EHD2: variants seen among roughly 807,000 people sequenced by gnomAD.
The protein encoded by EHD2 is EH domain containing 2.
EHD2 carries 27 observed loss-of-function variants against 41.0 expected under a neutral mutation model. The observed-to-expected ratio is 0.66, with a 90% confidence interval of 0.49 to 0.91. The LOEUF (loss-of-function observed/expected upper bound fraction) is 0.91, where lower values mean the gene tolerates loss of function less well. Ranked by LOEUF, EHD2 falls within the 40% of genes least tolerant of loss-of-function variation. EHD2 has a pLI of 0.00. For synonymous variants in EHD2, 342 were observed against 341.0 expected, an observed-to-expected ratio of 1.00 and a Z score of -0.03; for missense variants, 673 against 773.9, an observed-to-expected ratio of 0.87 and a Z score of 1.55.
rs932072641 is a variant in EHD2, at chr19:47,741,946, C to G, written c.*514C>G. 6.6e-6 allele frequency: 3 copies of G among 456,230 alleles called. No individual in the cohort carries two copies. Among genetic ancestry groups the G allele is most frequent in the African/African-American group, 6.0e-5 (3 of 50,078 alleles). The allele number at this position is 456,230 out of a possible 1,614,324, so 28.3% of individuals were successfully genotyped here. A position where few individuals can be genotyped will look rare whatever the true frequency, so the allele number is the denominator to read the frequency against. ...GACTAGCAGATAAACAGACCCCCTT[C>G]TGCTCCGCTTCCTCCTGCCCAGCCA... On this transcript the variant is annotated 3_prime_UTR_variant, in exon 6 of 6. Coordinates refer to ENST00000263277, the MANE Select transcript of EHD2 (RefSeq NM_014601.4). The surrounding 1 kb of genome is among the most constrained non-coding windows in gnomAD (Gnocchi z 4.5).
In EHD2 at chr19:47,736,389, C is replaced by G; in HGVS notation, c.936C>G (p.Ser312Arg). 1 of 1,613,250 alleles carries G rather than the reference C, an allele frequency of 6.2e-7. No individual in the cohort carries two copies. Among genetic ancestry groups the G allele is most frequent in the Non-Finnish European group, 8.5e-7 (1 of 1,179,672 alleles). ...CACAGGTTCACGCTTACATCATCAG[C>G]TACCTGAAGAAGGAGATGCCCTCTG... is the stretch of plus-strand genomic sequence containing the variant. ...RLVRVHAYII[S>R]YLKKEMPSVF... Residue 312 changes from serine (S) to arginine (R), a missense_variant, in exon 5 of 6, where the codon AGC (serine) becomes AGG (arginine). Physicochemically the swap from Ser to Arg is moderately radical, Grantham distance 110 (BLOSUM62 -1). Coordinates refer to ENST00000263277, the MANE Select transcript of EHD2 (RefSeq NM_014601.4).
intron 4 of EHD2, among the ~76,000 whole-genome samples, chr19:47,728,114 A>AAG (rs1973771188): frequency 6.6e-6 from 1 of 151,304 alleles, no homozygotes. Flanking sequence ...AAAAAAAAAA[A>AAG]AGATGAATTT....
chr19:47,716,030 A>C (rs980224077), intron 1 of EHD2, among the ~76,000 whole-genome samples: 3 of 149,964 alleles, frequency 2.0e-5, no homozygotes, highest in Admixed American at 2.0e-4. Context: ...CAGCCTCCCG[A>C]AGTGCTGGGA....
intron 5 of EHD2, among the ~76,000 whole-genome samples, chr19:47,737,502 C>CA (rs1966937286): frequency 6.7e-6 from 1 of 149,646 alleles, no homozygotes; most frequent in South Asian, 2.1e-4. Context: ...ACTAAAAATA[C>CA]AAAAATTAGC....
At chr19:47,715,719 A>G (rs931051783) in intron 1 of EHD2, among the ~76,000 whole-genome samples, 1 of 152,020 alleles carries the variant, frequency 6.6e-6, no homozygotes, top group Non-Finnish European at 1.5e-5. Flanking sequence ...ACCACCATCA[A>G]TCCCCCTTCT....
At chr19:47,733,408 T>C (rs118101620) in intron 4 of EHD2, among the ~76,000 whole-genome samples, 6,454 of 151,962 alleles carry the variant, frequency 0.042, 201 homozygotes, top group Middle Eastern at 0.1. Flanking sequence ...GCGCGGTGGT[T>C]CATGCCTATA....
chr19:47,725,855 G>A lies in EHD2; in HGVS notation c.546G>A (p.Val182=). The stretch of plus-strand genomic sequence containing the variant: ...TGCTGCGCTGGTTCGCGGAGCGCGT[G>A]GACCTCATCATCCTGCTCTTTGATG... ...PAVLRWFAER[V]DLIILLFDAH... is the part of the protein sequence containing the mutation. The change falls in exon 4 of 6, where the codon GTG becomes GTA. Residue 182 remains valine, a synonymous_variant. Coordinates refer to ENST00000263277, the MANE Select transcript of EHD2 (RefSeq NM_014601.4). 1 of 1,609,726 alleles carries A rather than the reference G, an allele frequency of 6.2e-7. No homozygotes were observed. Among genetic ancestry groups the A allele is most frequent in the East Asian group, 2.2e-5 (1 of 44,718 alleles).
chr19:47,735,991 T>A (rs1966917886), intron 4 of EHD2, among the ~76,000 whole-genome samples: 1 of 150,368 alleles, frequency 6.7e-6, no homozygotes, highest in African/African-American at 2.5e-5. Flanking sequence ...AGGTCAGGAG[T>A]TTGAGACCAG....
intron 3 of EHD2, among the ~76,000 whole-genome samples, chr19:47,724,981 C>CA (rs57660216): frequency 1.9e-5 from 1 of 53,820 alleles, no homozygotes; most frequent in Non-Finnish European, 3.2e-5. Flanking sequence ...GACTCTGTCT[C>CA]AAAAAAAAAA....
chr19:47,720,733 T>C (rs1185147824), intron 3 of EHD2, among the ~76,000 whole-genome samples: 1 of 151,916 alleles, frequency 6.6e-6, no homozygotes, highest in East Asian at 1.9e-4. Flanking sequence ...GTGTGTGACT[T>C]TGTGTGGCTG....
intron 3 of EHD2, among the ~76,000 whole-genome samples, chr19:47,720,218 G>C (rs1352851402): frequency 6.6e-6 from 1 of 151,860 alleles, no homozygotes; most frequent in African/African-American, 2.4e-5. Flanking sequence ...GGCTGGAGTG[G>C]AGTGGCGCGA....
intron 4 of EHD2, among the ~76,000 whole-genome samples, chr19:47,734,482 G>A (rs992208074): frequency 3.3e-5 from 5 of 152,184 alleles, no homozygotes; most frequent in South Asian, 2.1e-4. Flanking sequence ...GCTGGGTACC[G>A]TGGCTCCCGC....
chr19:47,742,128 C>CTTCCTTCCTTCCTTCTTTTCT lies in EHD2; in HGVS notation c.*716_*736dup. ...AATTCTGCCCACACCCATTTATTTC[C>CTTCCTTCCTTCCTTCTTTTCT]TTCCTTCCTTCCTTCTTTTCTTTCC... On this transcript the variant is annotated 3_prime_UTR_variant, in exon 6 of 6. Transcript: ENST00000263277. The CTTCCTTCCTTCCTTCTTTTCT allele has an allele frequency of 6.1e-6, 2 of 325,488 alleles. No homozygotes were observed. Among genetic ancestry groups the CTTCCTTCCTTCCTTCTTTTCT allele is most frequent in the Admixed American group, 4.5e-5 (1 of 22,062 alleles). The allele number at this position is 325,488 out of a possible 1,614,324, so 20.2% of individuals were successfully genotyped here. A position where few individuals can be genotyped will look rare whatever the true frequency, so the allele number is the denominator to read the frequency against.
chr19:47,715,887 C>T (rs903717208), intron 1 of EHD2, among the ~76,000 whole-genome samples: 1 of 152,056 alleles, frequency 6.6e-6, no homozygotes, highest in Non-Finnish European at 1.5e-5. Flanking sequence ...CCTGTCTCAG[C>T]CTCCCAAGTA....
At chr19:47,721,248 G>A (rs1179258128) in intron 3 of EHD2, among the ~76,000 whole-genome samples, 2 of 151,924 alleles carry the variant, frequency 1.3e-5, no homozygotes, top group East Asian at 1.9e-4. Flanking sequence ...GTGAACACAC[G>A]CATGTGTGAT....
chr19:47,727,229 C>T (rs540898641), intron 4 of EHD2, among the ~76,000 whole-genome samples: 1 of 152,184 alleles, frequency 6.6e-6, no homozygotes, highest in African/African-American at 2.4e-5. Context: ...CTCAGCCTCC[C>T]GAGTAGCTGG....
Position 47,736,225 on chromosome 19 carries a change from A to G in EHD2, c.916-144A>G, listed in dbSNP as rs554981123. ...AAAAAAAAAGAGAGAGAGAGAGAGAAAAAGAAATAAAAGAAATACAAATTC... is the reference window on the plus strand; with the variant it reads ...AAAAAAAAAGAGAGAGAGAGAGAGAGAAAGAAATAAAAGAAATACAAATTC... On this transcript the variant is annotated intron_variant, in intron 4 of 5. Coordinates refer to ENST00000263277, the MANE Select transcript of EHD2 (RefSeq NM_014601.4). 213 of 689,582 alleles carry G rather than the reference A, an allele frequency of 3.1e-4. 1 individual carries two copies. The Middle Eastern group carries it at 3.4e-3, about 11-fold the overall frequency. The allele number at this position is 689,582 out of a possible 1,614,324, so 42.7% of individuals were successfully genotyped here.
chr19:47,722,837 G>C (rs548511184), intron 3 of EHD2, among the ~76,000 whole-genome samples: 14 of 152,202 alleles, frequency 9.2e-5, no homozygotes, highest in South Asian at 4.1e-4. Context: ...CAAAGTGCTG[G>C]GATTGCAGGC....
At position 47,741,372 on chromosome 19, in the gene EHD2, C is replaced by A; in HGVS notation, c.1572C>A (p.Ala524=). Residue 524 remains alanine (A), a synonymous_variant, in exon 6 of 6, where the codon GCC becomes GCA. Coordinates refer to ENST00000263277, the MANE Select transcript of EHD2 (RefSeq NM_014601.4). The surrounding 1 kb of genome is among the most constrained non-coding windows in gnomAD (Gnocchi z 4.5). ...AGCTGGAAGGCCACGGGCTGCCCGC[C>A]AACCTGCCCCGTCGCCTGGTGCCAC... The part of the protein sequence containing the change: ...EAKLEGHGLP[A]NLPRRLVPPS... The A allele has an allele frequency of 6.2e-7, 1 of 1,605,632 alleles. No homozygotes were observed. Among genetic ancestry groups the A allele is most frequent in the East Asian group, 2.2e-5 (1 of 44,776 alleles).
Sources: allele counts gnomAD v4.1 joint callset (sites outside exome capture counted in the v4.1 genomes callset), GRCh38; gene constraint gnomAD v4.1.1; non-coding constraint Gnocchi (gnomAD v3.1); transcripts MANE v1.5; gene names NCBI Gene and HGNC (gene_info 2026-07-23, HGNC 2026-07-21).